IFRD1: variants seen among roughly 807,000 people sequenced by gnomAD.
The protein encoded by IFRD1 is interferon related developmental regulator 1.
Under a neutral mutation model 52.9 loss-of-function variants are expected in IFRD1, and 35 were observed. The ratio of observed to expected loss-of-function variants is 0.66; its 90% CI spans 0.51 to 0.88. The LOEUF (loss-of-function observed/expected upper bound fraction) is 0.88, where lower values mean the gene tolerates loss of function less well. Among genes scored for constraint, IFRD1 ranks in the 40% least tolerant of loss-of-function variants. The pLI, the probability that IFRD1 is intolerant of heterozygous loss-of-function variation, is 0.00. For missense variants in IFRD1, 517 were observed against 550.8 expected (o/e 0.94, Z 0.61); for synonymous variants, 184 against 188.4 (o/e 0.98, Z 0.19).
At chr7:112,452,113 A>T (rs1275871750) in intron 1 of IFRD1, 2 of 982,106 alleles carry the variant, frequency 2.0e-6, no homozygotes, top group East Asian at 1.1e-4. Context: ...TAAAATATGT[A>T]ATTTATTGTG....
upstream of IFRD1, among the ~76,000 whole-genome samples, chr7:112,447,136 C>G (rs1795048229): frequency 6.6e-6 from 1 of 152,158 alleles, no homozygotes; most frequent in South Asian, 2.1e-4. Flanking sequence ...ATTACTTGTT[C>G]TTGAATCAAA....
At chr7:112,453,196 AT>A (rs932009005) in intron 1 of IFRD1, among the ~76,000 whole-genome samples, 1 of 152,010 alleles carries the variant, frequency 6.6e-6, no homozygotes, top group East Asian at 1.9e-4. Flanking sequence ...TAAACTCTTT[AT>A]TTTTTTTATG....
rs558899381 is a variant in IFRD1 at position 112,475,206 on chromosome 7, C to T, written c.1267-224C>T. On this transcript the variant is annotated intron_variant, in intron 11 of 11. Transcript: ENST00000403825. ...ATCTCCTGACCTCGTGATTCGCCCA[C>T]CTCGGCCTCCCAGAGTGCTGGGATT... Among the ~76,000 whole-genome samples the T allele has an allele frequency of 1.1e-4, 16 of 152,326 alleles. No individual in the cohort carries two copies. In the East Asian group the frequency reaches 3.1e-3, roughly 29 times the overall value.
chr7:112,462,041 C>G lies in IFRD1; in HGVS notation c.659C>G (p.Thr220Ser). Residue 220 changes from threonine (T) to serine (S), a missense_variant, in exon 7 of 12, where the codon ACT becomes AGT. By Grantham distance (58) the Thr-to-Ser change is moderately conservative (BLOSUM62 1). Coordinates refer to ENST00000403825, the MANE Select transcript of IFRD1 (RefSeq NM_001550.4). ...STLECLENIFTKSYLKEKDTT... is the reference protein window; with the variant it reads ...STLECLENIFSKSYLKEKDTT... ...CTGGAATGTTTGGAAAATATCTTCA[C>G]TAAATCCTATCTCAAAGAGAAAGAC... 6.2e-7 allele frequency: 1 copy of G among 1,613,220 alleles called. No individual in the cohort carries two copies. Among genetic ancestry groups the G allele is most frequent in the Non-Finnish European group, 8.5e-7 (1 of 1,179,464 alleles).
At chr7:112,448,927 T>C (rs761086764), upstream of IFRD1, among the ~76,000 whole-genome samples, 5 of 151,920 alleles carry the variant, frequency 3.3e-5, no homozygotes, top group South Asian at 4.1e-4. Context: ...GAGCCGTGTA[T>C]TGGAAATGAA....
upstream of IFRD1, among the ~76,000 whole-genome samples, chr7:112,448,301 C>T (rs189777843): frequency 9.2e-5 from 14 of 152,218 alleles, no homozygotes; most frequent in Admixed American, 2.0e-4. Flanking sequence ...TGCCGCAGAA[C>T]GACTAAGTGG....
At chr7:112,445,952 A>G (rs1193373922), upstream of IFRD1, among the ~76,000 whole-genome samples, 2 of 152,270 alleles carry the variant, frequency 1.3e-5, no homozygotes, top group Non-Finnish European at 2.9e-5. Context: ...GCTAGTCTAA[A>G]GAAGGCACTG....
chr7:112,464,236 A>G (rs539973704), intron 8 of IFRD1, among the ~76,000 whole-genome samples: 23 of 152,148 alleles, frequency 1.5e-4, no homozygotes, highest in African/African-American at 5.1e-4. Context: ...TTTGAAATCT[A>G]GTGATGTCAT....
chr7:112,445,356 C>A (rs1166495959), intron 1 of IFRD1, among the ~76,000 whole-genome samples: 1 of 152,000 alleles, frequency 6.6e-6, no homozygotes, highest in Non-Finnish European at 1.5e-5. Flanking sequence ...GTGAGTTACC[C>A]CGCCCGGCCG....
chr7:112,425,148 G>C (rs908350816), intron 1 of IFRD1, among the ~76,000 whole-genome samples: 3 of 152,184 alleles, frequency 2.0e-5, no homozygotes, highest in African/African-American at 7.2e-5. Context: ...TGGGATTATA[G>C]GTATGGCACC....
In IFRD1 at chr7:112,475,724, A is replaced by G. The variant is rs188125956; in HGVS notation, c.*205A>G. The G allele has an allele frequency of 8.4e-4, 441 of 527,948 alleles. 2 individuals carry two copies. Among genetic ancestry groups the G allele is most frequent in the African/African-American group, 7.8e-3 (407 of 52,364 alleles). 32.7% of individuals were successfully genotyped at this position (527,948 alleles called of 1,614,324 possible). On this transcript the variant is annotated 3_prime_UTR_variant, in exon 12 of 12. Transcript: ENST00000403825. ...TCTCTGTAAATCAGTAAACATGTAT[A>G]AAGTATTTGTAATGTTTGGTCATAA...
At chr7:112,430,751 AC>A (rs1794529432) in intron 1 of IFRD1, among the ~76,000 whole-genome samples, 1 of 152,108 alleles carries the variant, frequency 6.6e-6, no homozygotes, top group Non-Finnish European at 1.5e-5. Flanking sequence ...TTTGGGGTTG[AC>A]CAAGTGGGTG....
chr7:112,445,228 G>A (rs868037893), intron 1 of IFRD1, among the ~76,000 whole-genome samples: 13 of 151,786 alleles, frequency 8.6e-5, no homozygotes, highest in East Asian at 1.9e-4. Context: ...CACCACGCCC[G>A]GCTAATTTTT....
Position 112,450,717 on chromosome 7 carries a change from C to G in IFRD1, c.29C>G (p.Pro10Arg). The G allele has an allele frequency of 6.2e-7, 1 of 1,612,898 alleles. No individual in the cohort carries two copies. ...CCGAAGAACAAGAAGCGGAACACTC[C>G]CCACCGCGGTAGCAGTGCTGGCGGC... Reference protein sequence around the residue: MPKNKKRNTPHRGSSAGGGG... With the variant: MPKNKKRNTRHRGSSAGGGG... The change falls in exon 1 of 12, where the codon CCC becomes CGC. Residue 10 changes from proline to arginine, a missense_variant. Transcript: ENST00000403825.
At position 112,455,983 on chromosome 7, in the gene IFRD1, G is replaced by GT. The variant is rs1795282841; in HGVS notation, c.200-15dup. The GT allele has an allele frequency of 6.5e-7, 1 of 1,547,614 alleles. No individual in the cohort carries two copies. Among genetic ancestry groups the GT allele is most frequent in the African/African-American group, 1.4e-5 (1 of 73,628 alleles). On this transcript the variant is annotated intron_variant, in intron 2 of 11. Transcript: ENST00000403825. ...TTTTTTCTTTTAAATTACGATGGCT[G>GT]TTTTATATTATTTCTTAGGACCAGA...
chr7:112,441,370 T>G (rs1396727620), intron 1 of IFRD1, among the ~76,000 whole-genome samples: 1 of 151,734 alleles, frequency 6.6e-6, no homozygotes, highest in Non-Finnish European at 1.5e-5. Flanking sequence ...GTGGGAGGGT[T>G]ACCTGACCTC....
At chr7:112,456,851 TAA>T (rs1456687852) in intron 3 of IFRD1, 61 bp from the exon 4 acceptor site, 5 of 1,537,156 alleles carry the variant, frequency 3.3e-6, no homozygotes, top group Non-Finnish European at 4.5e-6. Context: ...AATAAGATTT[TAA>T]AAAGTTATTT....
chr7:112,425,707 A>G (rs904049479), intron 1 of IFRD1, among the ~76,000 whole-genome samples: 1 of 152,256 alleles, frequency 6.6e-6, no homozygotes, highest in Admixed American at 6.5e-5. Context: ...ATATGAGTCA[A>G]ATCCCCCTAA....
Position 112,461,852 on chromosome 7 carries a change from A to ATT in IFRD1, c.568-4_568-3dup. ...AAATCATTAATGTCTATATATATAT[A>ATT]TTTTTTTTTTTAGTGTGCAACTTGC... On this transcript the variant is annotated splice_polypyrimidine_tract_variant and intron_variant, in intron 5 of 11. Coordinates refer to ENST00000403825, the MANE Select transcript of IFRD1 (RefSeq NM_001550.4). 1.3e-5 allele frequency: 15 copies of ATT among 1,186,856 alleles called. No individual in the cohort carries two copies. Among genetic ancestry groups the ATT allele is most frequent in the Non-Finnish European group, 1.8e-5 (15 of 833,282 alleles). The allele number at this position is 1,186,856 out of a possible 1,614,324, so 73.5% of individuals were successfully genotyped here.
Sources: gnomAD v4.1 joint callset for allele counts (sites outside exome capture counted in the v4.1 genomes callset) on GRCh38, gnomAD v4.1.1 for gene constraint, MANE v1.5 for transcripts, NCBI Gene and HGNC (gene_info 2026-07-23, HGNC 2026-07-21) for gene names.